The following SUGCT variants were observed in gnomAD, a reference collection of about 807,000 sequenced individuals.
SUGCT encodes the protein succinyl-CoA:glutarate-CoA transferase, also known as succinyl-CoA:glutarate CoA-transferase.
Under a neutral mutation model 55.0 loss-of-function variants are expected in SUGCT, and 41 were observed. The ratio of observed to expected loss-of-function variants is 0.74; its 90% CI spans 0.58 to 0.97. SUGCT has a LOEUF of 0.97. SUGCT is among the 50% of genes least tolerant of loss of function. SUGCT has a pLI of 0.00. For synonymous variants in SUGCT, 187 were observed against 200.4 expected, an observed-to-expected ratio of 0.93 and a Z score of 0.56; for missense variants, 568 against 547.8, an observed-to-expected ratio of 1.04 and a Z score of -0.37.
chr7:40,666,848 G>A (rs543497346), intron 12 of SUGCT, among the ~76,000 whole-genome samples: 21 of 152,056 alleles, frequency 1.4e-4, no homozygotes, highest in Non-Finnish European at 2.5e-4. Context: ...TCATGGACTC[G>A]CAACTTGAAA....
intron 9 of SUGCT, among the ~76,000 whole-genome samples, chr7:40,382,917 G>A (rs1040103242): frequency 3.9e-5 from 6 of 152,084 alleles, no homozygotes; most frequent in African/African-American, 1.2e-4. Flanking sequence ...TGCTTTGTAA[G>A]ATTTCATATT....
At chr7:40,969,869 C>T in the SUGCT span, among the ~76,000 whole-genome samples, 1 of 152,180 alleles carries the variant, frequency 6.6e-6, no homozygotes, top group African/African-American at 2.4e-5. Flanking sequence ...CTTAGTTCCA[C>T]AGGATAATCT....
intron 8 of SUGCT, among the ~76,000 whole-genome samples, chr7:40,304,439 T>C (rs1794727417): frequency 6.6e-6 from 1 of 151,680 alleles, no homozygotes; most frequent in Admixed American, 6.6e-5. Context: ...ATTTAAATTT[T>C]TTATTTTTTT....
chr7:40,700,837 T>C (rs1380694211), intron 12 of SUGCT, among the ~76,000 whole-genome samples: 1 of 152,208 alleles, frequency 6.6e-6, no homozygotes, highest in Non-Finnish European at 1.5e-5. Context: ...TGTATCTATA[T>C]TGTGGGAGTA....
At chr7:40,735,863 A>G (rs550079050) in intron 12 of SUGCT, among the ~76,000 whole-genome samples, 3 of 152,096 alleles carry the variant, frequency 2.0e-5, no homozygotes, top group African/African-American at 7.2e-5. Context: ...TGTCCTATAT[A>G]TAGGACAGTA....
intron 9 of SUGCT, among the ~76,000 whole-genome samples, chr7:40,378,326 A>T (rs4723954): frequency 6.6e-6 from 1 of 151,890 alleles, no homozygotes; most frequent in Admixed American, 6.6e-5. Flanking sequence ...TCTTTCTACT[A>T]TTCAGACTGG....
chr7:40,315,288 C>T (rs1283976458), intron 8 of SUGCT, among the ~76,000 whole-genome samples: 4 of 152,178 alleles, frequency 2.6e-5, no homozygotes, highest in Non-Finnish European at 5.9e-5. Flanking sequence ...CTATCCAGGG[C>T]ATTTTTGCTA....
intron 12 of SUGCT, among the ~76,000 whole-genome samples, chr7:40,604,712 T>C (rs748501761): frequency 3.3e-5 from 5 of 152,178 alleles, no homozygotes; most frequent in Non-Finnish European, 5.9e-5. Context: ...TTTAGGGTGC[T>C]TTCTGTCACT....
At chr7:40,316,399 C>G (rs1795434135) in intron 8 of SUGCT, among the ~76,000 whole-genome samples, 1 of 152,106 alleles carries the variant, frequency 6.6e-6, no homozygotes, top group African/African-American at 2.4e-5. Flanking sequence ...AAAGGAGATA[C>G]ATGCAGAGGG....
the SUGCT span, among the ~76,000 whole-genome samples, chr7:40,878,795 CTTTT>C: frequency 2.2e-5 from 3 of 139,364 alleles, no homozygotes; most frequent in African/African-American, 2.6e-5. Context: ...CTTTCTCAAA[CTTTT>C]TTTTTTTTTT....
chr7:40,150,846 T>C (rs1788528179), intron 1 of SUGCT, among the ~76,000 whole-genome samples: 3 of 152,166 alleles, frequency 2.0e-5, no homozygotes, highest in Non-Finnish European at 2.9e-5. Context: ...GTGGGCAAGG[T>C]GAAACCCTTG....
the SUGCT span, among the ~76,000 whole-genome samples, chr7:40,993,786 G>A: frequency 2.6e-5 from 4 of 152,122 alleles, no homozygotes; most frequent in Admixed American, 1.3e-4. Context: ...TCAGTTACTT[G>A]GACAAGTTAT....
intron 12 of SUGCT, among the ~76,000 whole-genome samples, chr7:40,534,868 T>C (rs188839815): frequency 1.4e-3 from 207 of 152,354 alleles, no homozygotes; most frequent in African/African-American, 4.8e-3. Context: ...TCTATTTGTC[T>C]TAACATATGT....
At chr7:40,193,602 ATT>A (rs1263363416) in intron 5 of SUGCT, among the ~76,000 whole-genome samples, 8 of 135,492 alleles carry the variant, frequency 5.9e-5, no homozygotes, top group Non-Finnish European at 6.4e-5. Context: ...TTTAAAAAAG[ATT>A]TTTTTTTTTT....
At chr7:40,417,626 A>G (rs756281350) in intron 9 of SUGCT, among the ~76,000 whole-genome samples, 5 of 151,856 alleles carry the variant, frequency 3.3e-5, no homozygotes, top group Non-Finnish European at 7.4e-5. Flanking sequence ...GATTTAATTA[A>G]AAAATGTTCT....
chr7:40,742,164 ATG>A (rs1787494533), intron 12 of SUGCT, among the ~76,000 whole-genome samples: 3 of 152,104 alleles, frequency 2.0e-5, no homozygotes, highest in Admixed American at 1.3e-4. Flanking sequence ...TGTGTAAATT[ATG>A]TGTGTGTGTA....
chr7:40,729,476 T>C (rs1321986111), intron 12 of SUGCT, among the ~76,000 whole-genome samples: 1 of 152,202 alleles, frequency 6.6e-6, no homozygotes, highest in East Asian at 1.9e-4. Context: ...GCAGGACACA[T>C]GTTTGCAAAG....
chr7:40,998,516 T>C, the SUGCT span, among the ~76,000 whole-genome samples: 3 of 152,174 alleles, frequency 2.0e-5, no homozygotes, highest in African/African-American at 7.2e-5. Flanking sequence ...TTTGTCTTAT[T>C]TGGGAAAATT....
chr7:40,866,428 C>T, the SUGCT span, among the ~76,000 whole-genome samples: 1 of 151,218 alleles, frequency 6.6e-6, no homozygotes, highest in African/African-American at 2.4e-5. Flanking sequence ...TTATAGCTTC[C>T]ATTTTGGGAG....
Sources: gnomAD v4.1 joint callset for allele counts (sites outside exome capture counted in the v4.1 genomes callset) on GRCh38, gnomAD v4.1.1 for gene constraint, MANE v1.5 for transcripts, NCBI Gene and HGNC (gene_info 2026-07-23, HGNC 2026-07-21) for gene names.